Variants in SUFU observed in about 807,000 individuals in gnomAD.
The protein encoded by SUFU is suppressor of fused homolog.
A neutral mutation model predicts 58.9 loss-of-function variants in SUFU; 7 were observed. The ratio of observed to expected loss-of-function variants is 0.12; its 90% CI spans 0.07 to 0.22. The LOEUF is 0.22. SUFU is among the 10% of genes least tolerant of loss of function. The pLI is 1.00. For missense variants in SUFU, 451 were observed against 641.3 expected, an observed-to-expected ratio of 0.70 and a Z score of 3.20; for synonymous variants, 232 against 254.8, an observed-to-expected ratio of 0.91 and a Z score of 0.85.
intron 3 of SUFU, among the ~76,000 whole-genome samples, chr10:102,553,072 C>T (rs926895997): frequency 5.3e-5 from 8 of 152,210 alleles, no homozygotes; most frequent in East Asian, 1.9e-4. Flanking sequence ...ACTTTAGGGA[C>T]GTCAGAACGG....
rs1458226646 is a variant in SUFU, at chr10:102,503,980, C to A, written c.-173C>A. 1.1e-6 allele frequency: 1 copy of A among 945,994 alleles called. No homozygotes were observed. 58.6% of individuals were successfully genotyped at this position (945,994 alleles called of 1,614,324 possible). A position where few individuals can be genotyped will look rare whatever the true frequency, so the allele number is the denominator to read the frequency against. On this transcript the variant is annotated 5_prime_UTR_variant, in exon 1 of 12. Transcript: ENST00000369902. ...CCGAGGCACCCTCTGGCAGACTCGGCGGCGGCGACAGCCTGGGCGGACAGT... is the reference window on the plus strand; with the variant it reads ...CCGAGGCACCCTCTGGCAGACTCGGAGGCGGCGACAGCCTGGGCGGACAGT...
chr10:102,605,244 G>A (rs2063552240), intron 8 of SUFU, among the ~76,000 whole-genome samples: 1 of 151,838 alleles, frequency 6.6e-6, no homozygotes, highest in Non-Finnish European at 1.5e-5. Context: ...ACTGGGTGTG[G>A]TGGCTCATAC....
intron 2 of SUFU, among the ~76,000 whole-genome samples, chr10:102,538,713 C>T (rs1476107198): frequency 1.3e-5 from 2 of 152,096 alleles, no homozygotes; most frequent in Non-Finnish European, 2.9e-5. Flanking sequence ...AGTGAACCTA[C>T]GTTGACACAT....
At chr10:102,560,176 C>T (rs1253594376) in intron 3 of SUFU, among the ~76,000 whole-genome samples, 1 of 152,190 alleles carries the variant, frequency 6.6e-6, no homozygotes, top group African/African-American at 2.4e-5. Context: ...TAAAATCTGA[C>T]ACAGAAGGTG....
At chr10:102,538,044 A>G (rs950294299) in intron 2 of SUFU, among the ~76,000 whole-genome samples, 3 of 152,202 alleles carry the variant, frequency 2.0e-5, no homozygotes, top group Non-Finnish European at 2.9e-5. Context: ...TAATTTCATG[A>G]CCATTGTGAA....
At chr10:102,621,445 A>G (rs1361936068) in intron 10 of SUFU, among the ~76,000 whole-genome samples, 1 of 151,890 alleles carries the variant, frequency 6.6e-6, no homozygotes, top group African/African-American at 2.4e-5. Flanking sequence ...CCAACTTTTC[A>G]CCGCCCACTA....
chr10:102,547,827 G>T lies in SUFU; in HGVS notation c.318-2143G>T, dbSNP rs536496159. On this transcript the variant is annotated intron_variant, in intron 2 of 11. Coordinates refer to ENST00000369902, the MANE Select transcript of SUFU (RefSeq NM_016169.4). ...GTCTCGGAAAGAAAGAGAGAGAGGC[G>T]GGGGGGAGAGAGAGAGAGAAAGAAA... is the stretch of plus-strand genomic sequence containing the variant. Among the ~76,000 whole-genome samples the T allele has an allele frequency of 8.7e-4, 130 of 148,740 alleles. 2 individuals carry two copies. The highest frequency in any genetic ancestry group is 3.1e-3 in the African/African-American group (126 of 41,088).
At chr10:102,511,692 T>C (rs1422827134) in intron 2 of SUFU, among the ~76,000 whole-genome samples, 2 of 152,118 alleles carry the variant, frequency 1.3e-5, no homozygotes, top group Middle Eastern at 3.2e-3. Context: ...ATTGGGCTGT[T>C]TGAGTCCAAA....
chr10:102,624,654 G>T (rs990967579), intron 10 of SUFU, among the ~76,000 whole-genome samples: 8 of 152,090 alleles, frequency 5.3e-5, no homozygotes, highest in African/African-American at 1.9e-4. Context: ...TCCAAAATAA[G>T]TCCACACACA....
At chr10:102,534,828 A>T (rs1263323367) in intron 2 of SUFU, among the ~76,000 whole-genome samples, 1 of 152,116 alleles carries the variant, frequency 6.6e-6, no homozygotes, top group Non-Finnish European at 1.5e-5. Flanking sequence ...GAGCAACAGG[A>T]GGTCTGCGGT....
At chr10:102,574,342 T>C (rs974518095) in intron 3 of SUFU, among the ~76,000 whole-genome samples, 2 of 152,228 alleles carry the variant, frequency 1.3e-5, no homozygotes, top group African/African-American at 4.8e-5. Context: ...TCAGTAATCA[T>C]GTTGTTAATA....
intron 3 of SUFU, among the ~76,000 whole-genome samples, chr10:102,552,096 G>C (rs1413483697): frequency 6.6e-6 from 1 of 152,066 alleles, no homozygotes; most frequent in African/African-American, 2.4e-5. Context: ...TCCCAAAAAT[G>C]TTTAACCTGA....
intron 2 of SUFU, among the ~76,000 whole-genome samples, chr10:102,541,021 CG>C (rs1362007037): frequency 4.0e-5 from 6 of 150,134 alleles, no homozygotes; most frequent in African/African-American, 1.5e-4. Flanking sequence ...GACTCCATCT[CG>C]AAAAAAAAAA....
At chr10:102,590,918 C>G (rs2063393313) in intron 3 of SUFU, 1 of 152,206 alleles carries the variant, frequency 6.6e-6, no homozygotes, top group Admixed American at 6.5e-5. Context: ...TTGGCTCTAC[C>G]TGAAGCTGTG....
intron 2 of SUFU, among the ~76,000 whole-genome samples, chr10:102,518,523 A>ATCTATCTG (rs1428608604): frequency 6.7e-6 from 1 of 148,380 alleles, no homozygotes; most frequent in Non-Finnish European, 1.5e-5. Context: ...CTGTCTGTCT[A>ATCTATCTG]TCTATCTATC....
intron 3 of SUFU, among the ~76,000 whole-genome samples, chr10:102,551,552 C>A (rs548750450): frequency 6.6e-6 from 1 of 151,320 alleles, no homozygotes; most frequent in South Asian, 2.1e-4. Flanking sequence ...GCAGGAGAAT[C>A]GCTTGAACGC....
chr10:102,614,025 A>G (rs1229000115), intron 8 of SUFU, among the ~76,000 whole-genome samples: 2 of 152,244 alleles, frequency 1.3e-5, no homozygotes. Flanking sequence ...TGTACTCAGC[A>G]GTACAGATTG....
intron 9 of SUFU, among the ~76,000 whole-genome samples, chr10:102,616,228 G>A (rs1202796827): frequency 6.6e-6 from 1 of 152,194 alleles, no homozygotes; most frequent in East Asian, 1.9e-4. Context: ...TCAGCTCTGT[G>A]CTCAGGGCTG....
chr10:102,573,819 G>A (rs537020662), intron 3 of SUFU, among the ~76,000 whole-genome samples: 1 of 152,096 alleles, frequency 6.6e-6, no homozygotes, highest in Admixed American at 6.5e-5. Context: ...TGGTTTCCAG[G>A]GGTTGGAAGC....
Sources: gnomAD v4.1 joint callset for allele counts (sites outside exome capture counted in the v4.1 genomes callset) on GRCh38, gnomAD v4.1.1 for gene constraint, MANE v1.5 for transcripts, NCBI Gene and HGNC (gene_info 2026-07-23, HGNC 2026-07-21) for gene names.